ZNF407: variants seen among roughly 807,000 people sequenced by gnomAD.
ZNF407 encodes the protein zinc finger protein 407.
In ZNF407, 17 loss-of-function variants were observed where a neutral mutation model predicts 131.2. The ratio of observed to expected loss-of-function variants is 0.13; its 90% confidence interval spans 0.09 to 0.19. ZNF407 has a LOEUF of 0.19. Among genes scored for constraint, ZNF407 ranks in the 10% least tolerant of loss-of-function variants. The pLI is 1.00. For missense variants in ZNF407, 2,681 were observed against 2,830.6 expected (o/e 0.95, Z 1.20); for synonymous variants, 1,156 against 1,062.0 (o/e 1.09, Z -1.72).
chr18:74,624,559 T>C (rs77093721), intron 1 of ZNF407, among the ~76,000 whole-genome samples: 2,871 of 152,310 alleles, frequency 0.019, 37 homozygotes, highest in Middle Eastern at 0.044. Flanking sequence ...CAGTATGTCT[T>C]GCGTCTTGAA....
chr18:74,634,161 T>G lies in ZNF407; in HGVS notation c.3142T>G (p.Cys1048Gly). ...ACATACAAAAGAGTTTGAGTTTTAT[T>G]GCATGGCATGCGATTACTACGCGGT... ...RKHTKEFEFY[C>G]MACDYYAVTR... The change falls in exon 2 of 9, where the codon TGC (cysteine) becomes GGC (glycine). Residue 1048 changes from cysteine to glycine, a missense_variant. Around this residue, in one of 6 missense-constraint regions of ZNF407, gnomAD observed 1,789 missense variants for 1,748.7 expected, o/e 1.02. Transcript: ENST00000299687. 1 of 1,614,054 alleles carries G rather than the reference T, an allele frequency of 6.2e-7. No homozygotes were observed. The highest frequency in any genetic ancestry group is 8.5e-7 in the Non-Finnish European group (1 of 1,179,904).
intron 4 of ZNF407, among the ~76,000 whole-genome samples, chr18:74,813,938 T>C (rs2145092285): frequency 1.3e-5 from 2 of 152,256 alleles, no homozygotes; most frequent in Middle Eastern, 6.8e-3. Context: ...TGGAAAAAAT[T>C]CTTAGTAAGT....
At chr18:74,942,014 T>G (rs1217030348) in intron 8 of ZNF407, among the ~76,000 whole-genome samples, 3 of 152,180 alleles carry the variant, frequency 2.0e-5, no homozygotes, top group Admixed American at 6.5e-5. Context: ...GCTCCATGTG[T>G]TGGGTTGAAG....
intron 4 of ZNF407, among the ~76,000 whole-genome samples, chr18:74,866,528 C>T (rs1268749722): frequency 1.3e-5 from 2 of 152,010 alleles, no homozygotes; most frequent in Non-Finnish European, 2.9e-5. Context: ...CTAAATCTAG[C>T]ATATGTACTC....
At chr18:74,614,643 TG>T (rs1237302983) in intron 1 of ZNF407, among the ~76,000 whole-genome samples, 1 of 152,222 alleles carries the variant, frequency 6.6e-6, no homozygotes, top group Non-Finnish European at 1.5e-5. Flanking sequence ...ACAGATTTTT[TG>T]TCCCTATCCC....
intron 8 of ZNF407, among the ~76,000 whole-genome samples, chr18:74,944,497 T>G (rs1568278597): frequency 6.6e-6 from 1 of 152,224 alleles, no homozygotes; most frequent in Non-Finnish European, 1.5e-5. Context: ...ATGCCAGTAT[T>G]CTAGATTTTT....
At chr18:74,978,524 A>C (rs988532412) in intron 8 of ZNF407, among the ~76,000 whole-genome samples, 6 of 152,070 alleles carry the variant, frequency 3.9e-5, no homozygotes, top group Non-Finnish European at 7.4e-5. Context: ...GACCAACTAC[A>C]AGAGGCAGCA....
intron 2 of ZNF407, among the ~76,000 whole-genome samples, chr18:74,636,114 A>G (rs902215250): frequency 2.0e-5 from 3 of 152,174 alleles, no homozygotes; most frequent in Non-Finnish European, 4.4e-5. Flanking sequence ...ATTTTCTTAC[A>G]ATATCAGGGA....
chr18:75,006,057 G>C lies in ZNF407; in HGVS notation c.5429-57093G>C, dbSNP rs143656667. Among the ~76,000 whole-genome samples the C allele has an allele frequency of 1.8e-3, 277 of 152,280 alleles. 5 individuals are homozygous for C. The highest frequency in any genetic ancestry group is 6.3e-3 in the African/African-American group (260 of 41,548). Reference sequence around the variant, plus strand: ...GCGGTGAAATCAGACACTGAGAGAGGCATGTCGGATGAACGGACCCTCCGT... The same window carrying C: ...GCGGTGAAATCAGACACTGAGAGAGCCATGTCGGATGAACGGACCCTCCGT... On this transcript the variant is annotated intron_variant, in intron 8 of 8. Coordinates refer to ENST00000299687, the MANE Select transcript of ZNF407 (RefSeq NM_017757.3).
chr18:74,709,412 A>G (rs1446898095), intron 3 of ZNF407, among the ~76,000 whole-genome samples: 2 of 152,226 alleles, frequency 1.3e-5, no homozygotes, highest in Admixed American at 1.3e-4. Context: ...CTTGTGTTGC[A>G]TTTATGCTCA....
At chr18:74,760,456 TC>T (rs1474592583) in intron 3 of ZNF407, among the ~76,000 whole-genome samples, 4 of 152,228 alleles carry the variant, frequency 2.6e-5, no homozygotes, top group African/African-American at 9.6e-5. Flanking sequence ...GTGTTTCTAA[TC>T]TTATTCTCAT....
chr18:74,607,860 T>C (rs912192217), intron 1 of ZNF407, among the ~76,000 whole-genome samples: 2 of 152,218 alleles, frequency 1.3e-5, no homozygotes, highest in African/African-American at 4.8e-5. Flanking sequence ...CTGGAAAGAC[T>C]TCAGTGCCCT....
chr18:74,823,986 A>G lies in ZNF407; in HGVS notation c.4877+42484A>G, dbSNP rs577231408. On this transcript the variant is annotated intron_variant, in intron 4 of 8. Transcript: ENST00000299687. Reference sequence around the variant, plus strand: ...ATTAAAACATTCCTCAGCAAATGCAAAAGAACAGAAATCATAACAAACAGT... The same window carrying G: ...ATTAAAACATTCCTCAGCAAATGCAGAAGAACAGAAATCATAACAAACAGT... Among the ~76,000 whole-genome samples the G allele has an allele frequency of 3.9e-5, 6 of 152,318 alleles. No individual in the cohort carries two copies. The South Asian group carries it at 6.2e-4, about 16-fold the overall frequency.
chr18:74,632,255 G>T lies in ZNF407; in HGVS notation c.1236G>T (p.Ser412=). ...LQAAHGNSVT[S]RPRPERNILV... is the part of the protein sequence containing the mutation. ...CAGCACACGGTAACAGTGTAACCTC[G>T]AGGCCAAGACCTGAGCGAAATATTC... is the stretch of plus-strand genomic sequence containing the variant. The change falls in exon 2 of 9, where the codon TCG becomes TCT. Residue 412 remains serine (S), a synonymous_variant. Transcript: ENST00000299687. 6.2e-7 allele frequency: 1 copy of T among 1,613,918 alleles called. No homozygotes were observed. The highest frequency in any genetic ancestry group is 2.2e-5 in the East Asian group (1 of 44,876).
intron 3 of ZNF407, among the ~76,000 whole-genome samples, chr18:74,696,077 T>C (rs1394587090): frequency 6.6e-6 from 1 of 152,188 alleles, no homozygotes; most frequent in Admixed American, 6.5e-5. Flanking sequence ...TACACGACTT[T>C]ACAGTCCAAT....
chr18:74,881,562 CCT>C (rs141345704), intron 6 of ZNF407, among the ~76,000 whole-genome samples: 60 of 149,738 alleles, frequency 4.0e-4, no homozygotes, highest in Non-Finnish European at 5.1e-4. Flanking sequence ...CCCCTCCCTT[CCT>C]CTCTCTCTCT....
At chr18:74,836,794 A>G (rs1444257263) in intron 4 of ZNF407, among the ~76,000 whole-genome samples, 1 of 152,332 alleles carries the variant, frequency 6.6e-6, no homozygotes, top group African/African-American at 2.4e-5. Flanking sequence ...TATCATTGTC[A>G]TCATGTGCTT....
Position 74,632,742 on chromosome 18 carries a change from C to T in ZNF407, c.1723C>T (p.His575Tyr), listed in dbSNP as rs771439399. Reference sequence around the variant, plus strand: ...TATGTCAAGAAGGGACTTAGATGAACATTTGCACAGTAACCAGCATCAGCA... The same window carrying T: ...TATGTCAAGAAGGGACTTAGATGAATATTTGCACAGTAACCAGCATCAGCA... ...SSMSRRDLDE[H>Y]LHSNQHQQTA... Residue 575 changes from histidine to tyrosine, a missense_variant, in exon 2 of 9, where the codon CAT becomes TAT. By Grantham distance (83) the His-to-Tyr change is moderately conservative (BLOSUM62 2). Transcript: ENST00000299687. 6.2e-7 allele frequency: 1 copy of T among 1,614,022 alleles called. No individual in the cohort carries two copies. Among genetic ancestry groups the T allele is most frequent in the South Asian group, 1.1e-5 (1 of 91,090 alleles).
intron 7 of ZNF407, among the ~76,000 whole-genome samples, chr18:74,900,927 T>C (rs566243253): frequency 2.3e-4 from 35 of 152,326 alleles, no homozygotes; most frequent in African/African-American, 8.2e-4. Context: ...AAATTGCCGG[T>C]TTTTTTCTAG....
Sources: allele counts gnomAD v4.1 joint callset (sites outside exome capture counted in the v4.1 genomes callset), GRCh38; gene constraint gnomAD v4.1.1; regional missense constraint gnomAD v4.1.1; transcripts MANE v1.5; gene names NCBI Gene and HGNC (gene_info 2026-07-23, HGNC 2026-07-21).